The following KCNN2 variants were observed in gnomAD, a reference collection of about 807,000 sequenced individuals.
The protein encoded by KCNN2 is small conductance calcium-activated potassium channel protein 2.
In KCNN2, 24 loss-of-function variants were observed where a neutral mutation model predicts 55.5. The observed-to-expected ratio is 0.43, with a 90% CI of 0.31 to 0.61. The LOEUF (loss-of-function observed/expected upper bound fraction) is 0.61. Ranked by LOEUF, KCNN2 falls within the 20% of genes least tolerant of loss-of-function variation. KCNN2 has a pLI of 0.08. For missense variants in KCNN2, 754 were observed against 853.6 expected (o/e 0.88, Z 1.45); for synonymous variants, 431 against 336.1 (o/e 1.28, Z -3.09).
At chr5:114,183,438 A>C (rs1307654058) in intron 1 of KCNN2, among the ~76,000 whole-genome samples, 1 of 152,064 alleles carries the variant, frequency 6.6e-6, no homozygotes, top group African/African-American at 2.4e-5. Flanking sequence ...TGTTACTTTT[A>C]AAAATATTTG....
At chr5:114,348,326 GA>G (rs1757151146) in intron 2 of KCNN2, among the ~76,000 whole-genome samples, 1 of 151,470 alleles carries the variant, frequency 6.6e-6, no homozygotes, top group Non-Finnish European at 1.5e-5. Flanking sequence ...AATGCTAAAT[GA>G]CGAGTTAATG....
intron 1 of KCNN2, among the ~76,000 whole-genome samples, chr5:114,132,388 C>T (rs942454373): frequency 6.6e-6 from 1 of 152,048 alleles, no homozygotes; most frequent in African/African-American, 2.4e-5. Context: ...GAAATAGGAA[C>T]TCATTTCCCC....
intron 2 of KCNN2, among the ~76,000 whole-genome samples, chr5:114,330,889 C>A (rs918706538): frequency 3.9e-5 from 6 of 152,114 alleles, no homozygotes; most frequent in African/African-American, 1.2e-4. Flanking sequence ...TATATCTCAA[C>A]TGAATGCAAA....
At position 114,432,917 on chromosome 5, in the gene KCNN2, G is replaced by A. The variant is rs776665998; in HGVS notation, c.1637+28061G>A. Among the ~76,000 whole-genome samples, 387 of 152,320 alleles carry A rather than the reference G, an allele frequency of 2.5e-3. 2 individuals carry two copies. The highest frequency in any genetic ancestry group is 2.2e-3 in the Non-Finnish European group (153 of 68,014). ...CTCACTGGGCCTTAGCTGCCTTCCC[G>A]CGGGGCATGGCTGGGGACCTGCAGC... On this transcript the variant is annotated intron_variant, in intron 3 of 7. Transcript: ENST00000673685.
At chr5:114,099,687 A>G (rs1303242097) in intron 1 of KCNN2, among the ~76,000 whole-genome samples, 3 of 152,046 alleles carry the variant, frequency 2.0e-5, no homozygotes, top group African/African-American at 7.2e-5. Context: ...CAATTGTGCT[A>G]TTTATGATTT....
At chr5:114,487,406 T>G (rs1415038279) in intron 6 of KCNN2, among the ~76,000 whole-genome samples, 2 of 152,218 alleles carry the variant, frequency 1.3e-5, no homozygotes, top group African/African-American at 4.8e-5. Flanking sequence ...TTAAAATATC[T>G]TCTCAGTTTC....
At position 114,382,127 on chromosome 5, in the gene KCNN2, G is replaced by T. The variant is rs562762035; in HGVS notation, c.1218+18126G>T. ...TATTTTAATCATGGATCAGAAATAGGCTTTGAAAATGGTTGCACAGAGGAT... is the reference window on the plus strand; with the variant it reads ...TATTTTAATCATGGATCAGAAATAGTCTTTGAAAATGGTTGCACAGAGGAT... On this transcript the variant is annotated intron_variant, in intron 2 of 7. Transcript: ENST00000673685. 9.1e-4 allele frequency among the ~76,000 whole-genome samples: 139 copies of T among 152,258 alleles called. 1 individual carries two copies. Among genetic ancestry groups the T allele is most frequent in the Admixed American group, 2.9e-3 (45 of 15,290 alleles).
At position 114,279,752 on chromosome 5, in the gene KCNN2, A is replaced by G. The variant is rs558194203; in HGVS notation, c.-185+58187A>G. 7.3e-5 allele frequency among the ~76,000 whole-genome samples: 11 copies of G among 150,804 alleles called. No homozygotes were observed. The East Asian group carries it at 2.0e-3, about 27-fold the overall frequency. On this transcript the variant is annotated intron_variant, in intron 2 of 10. Transcript: ENST00000512097. Reference sequence around the variant, plus strand: ...CTTTGCTATTGTGAATAGTGCCGCAATAAACATATGTGTGCGTGTGTCTTT... The same window carrying G: ...CTTTGCTATTGTGAATAGTGCCGCAGTAAACATATGTGTGCGTGTGTCTTT...
chr5:114,437,292 C>G (rs992546486), intron 3 of KCNN2, among the ~76,000 whole-genome samples: 1 of 151,998 alleles, frequency 6.6e-6, no homozygotes, highest in African/African-American at 2.4e-5. Context: ...GAAAACAGTG[C>G]CTGCTGGAGA....
intron 2 of KCNN2, among the ~76,000 whole-genome samples, chr5:114,279,691 G>A (rs964602527): frequency 2.0e-5 from 3 of 152,134 alleles, no homozygotes; most frequent in African/African-American, 7.2e-5. Context: ...TCTTAATCCA[G>A]TCTATCATTG....
chr5:114,496,283 G>C lies in KCNN2; in HGVS notation c.*101G>C. On this transcript the variant is annotated 3_prime_UTR_variant, in exon 8 of 8. Transcript: ENST00000673685. ...CTATGGTTCTAATCAGCGTTATCCG[G>C]GTTCTGATGTCAGAATCCTGGGAAC... 1 of 1,274,820 alleles carries C rather than the reference G, an allele frequency of 7.8e-7. No individual in the cohort carries two copies. The highest frequency in any genetic ancestry group is 1.1e-6 in the Non-Finnish European group (1 of 937,752). The allele number at this position is 1,274,820 out of a possible 1,614,324, so 79.0% of individuals were successfully genotyped here. A position where few individuals can be genotyped will look rare whatever the true frequency, so the allele number is the denominator to read the frequency against.
At chr5:114,389,682 A>G (rs953017270) in intron 2 of KCNN2, among the ~76,000 whole-genome samples, 2 of 152,178 alleles carry the variant, frequency 1.3e-5, no homozygotes, top group African/African-American at 4.8e-5. Context: ...TTCAGAATGA[A>G]AAATATCTAA....
intron 2 of KCNN2, among the ~76,000 whole-genome samples, chr5:114,326,942 G>C (rs1016902762): frequency 1.3e-5 from 2 of 152,156 alleles, no homozygotes; most frequent in African/African-American, 4.8e-5. Context: ...ACGCCAAAAT[G>C]AGGTACTTTT....
intron 1 of KCNN2, among the ~76,000 whole-genome samples, chr5:114,203,481 C>A (rs146224371): frequency 1.1e-3 from 172 of 152,294 alleles, no homozygotes; most frequent in African/African-American, 3.8e-3. Context: ...TTATCCTTCT[C>A]TGAGGCTAAT....
At chr5:114,307,797 T>C (rs1458183213) in intron 2 of KCNN2, among the ~76,000 whole-genome samples, 1 of 152,164 alleles carries the variant, frequency 6.6e-6, no homozygotes, top group Non-Finnish European at 1.5e-5. Context: ...CCTTATTTAA[T>C]ATTGGCCATC....
chr5:114,430,741 G>GT (rs1260275159), intron 3 of KCNN2, among the ~76,000 whole-genome samples: 14 of 152,172 alleles, frequency 9.2e-5, no homozygotes, highest in Non-Finnish European at 1.6e-4. Context: ...TTTTGTGGAT[G>GT]TTTTTTACCA....
intron 1 of KCNN2, among the ~76,000 whole-genome samples, chr5:114,127,298 G>A (rs955573043): frequency 6.6e-6 from 1 of 152,170 alleles, no homozygotes. Context: ...CTCTACCCCT[G>A]AAACAGACTT....
chr5:114,340,202 T>G (rs987285630), intron 2 of KCNN2, among the ~76,000 whole-genome samples: 7 of 152,188 alleles, frequency 4.6e-5, no homozygotes, highest in African/African-American at 1.2e-4. Flanking sequence ...CCAACATTTT[T>G]CACCTACGAA....
intron 2 of KCNN2, among the ~76,000 whole-genome samples, chr5:114,244,449 T>A (rs962802187): frequency 2.6e-5 from 4 of 151,890 alleles, no homozygotes; most frequent in Non-Finnish European, 5.9e-5. Context: ...TACAAAAAAA[T>A]AGCCGGGCGT....
Sources: gnomAD v4.1 joint callset for allele counts (sites outside exome capture counted in the v4.1 genomes callset) on GRCh38, gnomAD v4.1.1 for gene constraint, MANE v1.5 for transcripts, NCBI Gene and HGNC (gene_info 2026-07-23, HGNC 2026-07-21) for gene names.